The following DOCK2 variants were observed in gnomAD, a reference collection of about 807,000 sequenced individuals.
DOCK2 encodes the protein dedicator of cytokinesis protein 2.
In DOCK2, 87 loss-of-function variants were observed where a neutral mutation model predicts 248.9. The ratio of observed to expected loss-of-function variants is 0.35; its 90% CI spans 0.29 to 0.42. The LOEUF (loss-of-function observed/expected upper bound fraction) is 0.42. Among genes scored for constraint, DOCK2 ranks in the 10% least tolerant of loss-of-function variants. The pLI is 1.00. For synonymous variants in DOCK2, 805 were observed against 821.6 expected, an observed-to-expected ratio of 0.98 and a Z score of 0.35; for missense variants, 1,747 against 2,300.2, an observed-to-expected ratio of 0.76 and a Z score of 4.92.
chr5:169,718,467 C>A (rs1238572023), intron 21 of DOCK2, among the ~76,000 whole-genome samples, 190 bp from the exon 22 acceptor site: 2 of 151,884 alleles, frequency 1.3e-5, no homozygotes, highest in East Asian at 3.9e-4. Flanking sequence ...TTTTTATGAG[C>A]AGGAAATACT....
At chr5:170,038,551 C>T (rs964387279) in intron 36 of DOCK2, among the ~76,000 whole-genome samples, 4 of 152,182 alleles carry the variant, frequency 2.6e-5, no homozygotes, top group African/African-American at 9.7e-5. Flanking sequence ...GGCCCTCGTC[C>T]TATTCTGACG....
chr5:169,939,872 A>G (rs1020652675), intron 27 of DOCK2, among the ~76,000 whole-genome samples: 6 of 152,212 alleles, frequency 3.9e-5, no homozygotes, highest in African/African-American at 1.2e-4. Context: ...TGCCCTCTTC[A>G]GCTCATTAAT....
chr5:169,829,931 C>T (rs1769115345), intron 26 of DOCK2, among the ~76,000 whole-genome samples: 1 of 152,202 alleles, frequency 6.6e-6, no homozygotes, highest in African/African-American at 2.4e-5. Flanking sequence ...GGAAAGTAGA[C>T]TGGAGATGCA....
intron 8 of DOCK2, among the ~76,000 whole-genome samples, chr5:169,685,483 CA>C (rs1759913523): frequency 2.0e-5 from 3 of 152,132 alleles, no homozygotes; most frequent in African/African-American, 7.2e-5. Context: ...TATTTGAGAC[CA>C]CTGACCGTGA....
At chr5:169,663,251 G>A (rs1378978682) in intron 2 of DOCK2, among the ~76,000 whole-genome samples, 4 of 152,196 alleles carry the variant, frequency 2.6e-5, no homozygotes, top group Non-Finnish European at 5.9e-5. Flanking sequence ...AAGGCCTTGG[G>A]CAGCTCTCCC....
In DOCK2 at chr5:169,840,373, G is replaced by A. The variant is rs77208635; in HGVS notation, c.2704-384G>A. ...CTACGAGGCCCCACCTCCAACACTG[G>A]GGATTATGATTTGACCTGAGATTTC... On this transcript the variant is annotated intron_variant, in intron 26 of 51. Coordinates refer to ENST00000520908, the MANE Select transcript of DOCK2 (RefSeq NM_004946.3). 3.5e-3 allele frequency among the ~76,000 whole-genome samples: 538 copies of A among 152,254 alleles called. 1 individual carries two copies. Among genetic ancestry groups the A allele is most frequent in the African/African-American group, 0.012 (516 of 41,544 alleles).
Position 169,723,321 on chromosome 5 carries a change from C to T in DOCK2, c.2267+4530C>T, listed in dbSNP as rs76683703. 6.6e-4 allele frequency among the ~76,000 whole-genome samples: 101 copies of T among 152,276 alleles called. 1 individual carries two copies. The highest frequency in any genetic ancestry group is 2.4e-3 in the African/African-American group (98 of 41,544). ...ATTCTGAGTTGGAATCTTGCCATTA[C>T]ATTTACTAGCATTTACAACCTTGGA... is the stretch of plus-strand genomic sequence containing the variant. On this transcript the variant is annotated intron_variant, in intron 22 of 51. Coordinates refer to ENST00000520908, the MANE Select transcript of DOCK2 (RefSeq NM_004946.3).
rs1275917796 is a variant in DOCK2 at position 170,034,397 on chromosome 5, A to T, written c.3468-2A>T. The stretch of plus-strand genomic sequence containing the variant: ...CTCACTGCCCTCTGGTCTCTGCCGC[A>T]GCCTGATGGAATGTGCTGCAGAGCA... On this transcript the variant is annotated splice_acceptor_variant, in intron 34 of 51. Coordinates refer to ENST00000520908, the MANE Select transcript of DOCK2 (RefSeq NM_004946.3). LOFTEE classifies it high-confidence loss of function. The T allele has an allele frequency of 6.2e-7, 1 of 1,613,990 alleles. No homozygotes were observed. Among genetic ancestry groups the T allele is most frequent in the South Asian group, 1.1e-5 (1 of 91,078 alleles).
intron 27 of DOCK2, among the ~76,000 whole-genome samples, chr5:169,903,898 G>A (rs1397191393): frequency 6.6e-6 from 1 of 151,874 alleles, no homozygotes; most frequent in Non-Finnish European, 1.5e-5. Context: ...TCAGGAGTTC[G>A]AGACCAGCCT....
At chr5:169,753,906 A>C (rs1434234970) in intron 23 of DOCK2, among the ~76,000 whole-genome samples, 1 of 152,206 alleles carries the variant, frequency 6.6e-6, no homozygotes, top group Non-Finnish European at 1.5e-5. Context: ...TCCAGTTTCT[A>C]TGGACCTTGA....
At chr5:169,825,722 A>G (rs1310086213) in intron 26 of DOCK2, among the ~76,000 whole-genome samples, 3 of 151,784 alleles carry the variant, frequency 2.0e-5, no homozygotes, top group South Asian at 2.1e-4. Flanking sequence ...ATACATATGT[A>G]ACAAACCTGC....
intron 26 of DOCK2, among the ~76,000 whole-genome samples, chr5:169,824,607 T>C (rs931056295): frequency 2.0e-5 from 3 of 152,206 alleles, no homozygotes; most frequent in Non-Finnish European, 4.4e-5. Context: ...CCTTACACCT[T>C]ATACAAAAAT....
At chr5:169,915,611 GA>G (rs1774833296) in intron 27 of DOCK2, among the ~76,000 whole-genome samples, 1 of 151,482 alleles carries the variant, frequency 6.6e-6, no homozygotes, top group African/African-American at 2.4e-5. Flanking sequence ...CAGAGGGAGG[GA>G]GGGGAGAGAG....
In DOCK2 at chr5:169,938,379, A is replaced by G. The variant is rs77585674; in HGVS notation, c.2800-44689A>G. 0.013 allele frequency among the ~76,000 whole-genome samples: 1,909 copies of G among 152,286 alleles called. 76 individuals are homozygous for G. The East Asian group carries it at 0.13, about 11-fold the overall frequency. Reference sequence around the variant, plus strand: ...GTGAACATCAGAGTGTACTCACACGAAGCTAGATGAGAGCCTACCTACTAC... The same window carrying G: ...GTGAACATCAGAGTGTACTCACACGGAGCTAGATGAGAGCCTACCTACTAC... On this transcript the variant is annotated intron_variant, in intron 27 of 51. Coordinates refer to ENST00000520908, the MANE Select transcript of DOCK2 (RefSeq NM_004946.3).
intron 45 of DOCK2, among the ~76,000 whole-genome samples, chr5:170,068,804 C>A (rs758351379): frequency 6.6e-6 from 1 of 152,212 alleles, no homozygotes; most frequent in Non-Finnish European, 1.5e-5. Context: ...CCTCACCCCA[C>A]CCCCAGAGTT....
chr5:170,062,126 T>A (rs867809970), intron 44 of DOCK2, among the ~76,000 whole-genome samples: 5 of 134,524 alleles, frequency 3.7e-5, no homozygotes, highest in South Asian at 2.3e-4. Context: ...TGTGTGTGTG[T>A]GTGAGAGAGA....
chr5:169,943,010 T>C (rs953554358), intron 27 of DOCK2, among the ~76,000 whole-genome samples: 1 of 152,146 alleles, frequency 6.6e-6, no homozygotes, highest in African/African-American at 2.4e-5. Context: ...TTGATATCAA[T>C]AGCTAAAAAA....
At chr5:170,038,390 CAG>C (rs769222370) in intron 36 of DOCK2, among the ~76,000 whole-genome samples, 27 of 152,198 alleles carry the variant, frequency 1.8e-4, no homozygotes, top group Non-Finnish European at 2.6e-4. Context: ...AGACTGCAAA[CAG>C]GGTATAGTCT....
At chr5:170,055,429 C>A (rs561840409) in intron 42 of DOCK2, 43 bp downstream of exon 42, 3 of 1,579,486 alleles carry the variant, frequency 1.9e-6, no homozygotes, top group South Asian at 2.2e-5. Flanking sequence ...GGGAAGAGAA[C>A]CCATTGGGGC....
Sources: allele counts gnomAD v4.1 joint callset (sites outside exome capture counted in the v4.1 genomes callset), GRCh38; gene constraint gnomAD v4.1.1; transcripts MANE v1.5; gene names NCBI Gene and HGNC (gene_info 2026-07-23, HGNC 2026-07-21).